The following COX7B2 variants were observed in gnomAD, a reference collection of about 807,000 sequenced individuals.
The protein encoded by COX7B2 is cytochrome c oxidase subunit 7B2, also known as cytochrome c oxidase subunit 7B2, mitochondrial.
For missense variants in COX7B2, 109 were observed against 95.9 expected, an observed-to-expected ratio of 1.14 and a Z score of -0.57; for synonymous variants, 37 against 32.1, an observed-to-expected ratio of 1.15 and a Z score of -0.51.
chr4:46,825,563 T>C (rs1484091212), intron 2 of COX7B2, among the ~76,000 whole-genome samples: 1 of 151,828 alleles, frequency 6.6e-6, no homozygotes, highest in African/African-American at 2.4e-5. Context: ...AAAAAAGAGC[T>C]CCCATAGCCA....
intron 2 of COX7B2, among the ~76,000 whole-genome samples, chr4:46,799,258 T>C (rs902658987): frequency 1.3e-5 from 2 of 152,190 alleles, no homozygotes; most frequent in Non-Finnish European, 2.9e-5. Flanking sequence ...TAGGAGGCTT[T>C]GGGCAGAAAC....
At chr4:46,837,513 A>G (rs954885304) in intron 2 of COX7B2, among the ~76,000 whole-genome samples, 5 of 151,988 alleles carry the variant, frequency 3.3e-5, no homozygotes, top group Non-Finnish European at 5.9e-5. Flanking sequence ...ATCTGTTGGG[A>G]AGGTAGGAAT....
chr4:46,798,229 G>A (rs1223012701), intron 2 of COX7B2, among the ~76,000 whole-genome samples: 6 of 152,158 alleles, frequency 3.9e-5, no homozygotes, highest in African/African-American at 1.2e-4. Flanking sequence ...CTCTTCAAAG[G>A]TGAAGGAAAA....
In COX7B2 at chr4:46,902,720, T is replaced by C. The variant is rs554875043; in HGVS notation, c.-105+6440A>G. On this transcript the variant is annotated intron_variant, in intron 1 of 2. Coordinates refer to ENST00000355591, the MANE Select transcript of COX7B2 (RefSeq NM_130902.3). ...GGCAAAACCTCGTCTCTACTAAAAATACAAAAATTAGCCAGGCATGGTGGC... is the reference window on the plus strand; with the variant it reads ...GGCAAAACCTCGTCTCTACTAAAAACACAAAAATTAGCCAGGCATGGTGGC... Among the ~76,000 whole-genome samples the C allele has an allele frequency of 4.6e-5, 7 of 152,202 alleles. 1 individual carries two copies. The South Asian group carries it at 1.5e-3, about 32-fold the overall frequency.
At chr4:46,824,382 A>G (rs1351188945) in intron 2 of COX7B2, among the ~76,000 whole-genome samples, 11 of 152,128 alleles carry the variant, frequency 7.2e-5, no homozygotes, top group Non-Finnish European at 2.9e-5. Context: ...AAATCCTTGC[A>G]AGATAGTGAG....
intron 2 of COX7B2, among the ~76,000 whole-genome samples, chr4:46,780,060 T>G (rs1032906921): frequency 3.3e-5 from 5 of 152,202 alleles, no homozygotes; most frequent in African/African-American, 1.2e-4. Context: ...GTTGTATAAC[T>G]TAAACATATA....
At chr4:46,753,037 C>T (rs1715498340) in intron 2 of COX7B2, among the ~76,000 whole-genome samples, 2 of 152,164 alleles carry the variant, frequency 1.3e-5, no homozygotes, top group African/African-American at 2.4e-5. Context: ...GCTGTGAATC[C>T]ATCTGGTCCT....
At position 46,760,619 on chromosome 4, in the gene COX7B2, G is replaced by T. The variant is rs1454118426; in HGVS notation, c.-49-25378C>A. On this transcript the variant is annotated intron_variant, in intron 2 of 2. Transcript: ENST00000355591. Reference sequence around the variant, plus strand: ...AAATACCTAAAGTAGATGATGGGTTGATGGGTGCAGCAATCCACCATGGCA... The same window carrying T: ...AAATACCTAAAGTAGATGATGGGTTTATGGGTGCAGCAATCCACCATGGCA... Among the ~76,000 whole-genome samples, 12 of 152,194 alleles carry T rather than the reference G, an allele frequency of 7.9e-5. No individual in the cohort carries two copies. In the South Asian group the frequency reaches 2.5e-3, roughly 32 times the overall value.
At chr4:46,800,328 A>G (rs1192419872) in intron 2 of COX7B2, among the ~76,000 whole-genome samples, 1 of 152,184 alleles carries the variant, frequency 6.6e-6, no homozygotes, top group Non-Finnish European at 1.5e-5. Flanking sequence ...CTAAGCAAAA[A>G]GAACAAAGCT....
At chr4:46,833,808 AAG>A (rs1048977988) in intron 2 of COX7B2, among the ~76,000 whole-genome samples, 18 of 152,202 alleles carry the variant, frequency 1.2e-4, no homozygotes, top group Admixed American at 1.0e-3. Flanking sequence ...AGGCAAAAAA[AAG>A]AAGTGTGCAA....
chr4:46,809,742 G>A (rs1039542035), intron 2 of COX7B2, among the ~76,000 whole-genome samples: 18 of 151,846 alleles, frequency 1.2e-4, no homozygotes, highest in Admixed American at 1.2e-3. Context: ...TGGATGGAAA[G>A]TTCTGTATAT....
chr4:46,904,047 AT>A (rs1376717946), intron 1 of COX7B2: 1 of 152,200 alleles, frequency 6.6e-6, no homozygotes, highest in Non-Finnish European at 1.5e-5. Context: ...TCTCTATCAT[AT>A]TTTTATGACC....
chr4:46,775,515 T>A (rs944790199), intron 2 of COX7B2, among the ~76,000 whole-genome samples: 1 of 152,168 alleles, frequency 6.6e-6, no homozygotes, highest in Non-Finnish European at 1.5e-5. Context: ...TAGTGATGAA[T>A]AAGCTGTTTA....
chr4:46,767,498 C>T (rs978983389), intron 2 of COX7B2, among the ~76,000 whole-genome samples: 10 of 151,950 alleles, frequency 6.6e-5, no homozygotes, highest in African/African-American at 1.9e-4. Context: ...TATTATAGAC[C>T]ATATAAACTT....
chr4:46,884,114 C>G (rs373784179), intron 1 of COX7B2, among the ~76,000 whole-genome samples: 4 of 149,714 alleles, frequency 2.7e-5, no homozygotes, highest in African/African-American at 9.8e-5. Context: ...CCTCCAAGAA[C>G]TTCAATAACT....
intron 2 of COX7B2, among the ~76,000 whole-genome samples, 154 bp downstream of exon 2, chr4:46,844,806 G>A (rs1357000595): frequency 3.3e-5 from 5 of 152,012 alleles, no homozygotes; most frequent in Non-Finnish European, 7.4e-5. Flanking sequence ...CTGATTCTCA[G>A]TAATAAACAT....
At chr4:46,843,150 C>T (rs1560415152) in intron 2 of COX7B2, among the ~76,000 whole-genome samples, 1 of 151,944 alleles carries the variant, frequency 6.6e-6, no homozygotes, top group Non-Finnish European at 1.5e-5. Context: ...CTCTGATGGC[C>T]ACTGATGATG....
intron 1 of COX7B2, among the ~76,000 whole-genome samples, chr4:46,857,583 C>T (rs1452936610): frequency 6.6e-6 from 1 of 152,096 alleles, no homozygotes; most frequent in Non-Finnish European, 1.5e-5. Context: ...ATCTATAGAG[C>T]TGGGAGAAAA....
chr4:46,747,204 C>A (rs1452998461), intron 2 of COX7B2, among the ~76,000 whole-genome samples: 2 of 152,116 alleles, frequency 1.3e-5, no homozygotes, highest in Admixed American at 1.3e-4. Flanking sequence ...CTCCTTTCTC[C>A]CGCCCTCCAC....
Sources: allele counts gnomAD v4.1 joint callset (sites outside exome capture counted in the v4.1 genomes callset), GRCh38; gene constraint gnomAD v4.1.1; transcripts MANE v1.5; gene names NCBI Gene and HGNC (gene_info 2026-07-23, HGNC 2026-07-21).